ZNF813: variants seen among roughly 807,000 people sequenced by gnomAD.
ZNF813 encodes the protein zinc finger protein 813.
ZNF813 carries 3 observed loss-of-function variants against 7.2 expected under a neutral mutation model. That is an observed-to-expected ratio of 0.42 (90% CI 0.19 to 1.08). The LOEUF (loss-of-function observed/expected upper bound fraction) is 1.08. Among genes scored for constraint, ZNF813 ranks in the 50% least tolerant of loss-of-function variants. The pLI, the probability that ZNF813 is intolerant of heterozygous loss-of-function variation, is 0.30. For synonymous variants in ZNF813, 227 were observed against 256.3 expected (o/e 0.89, Z 1.09); for missense variants, 714 against 753.3 (o/e 0.95, Z 0.61).
At position 53,475,523 on chromosome 19, in the gene ZNF813, A is replaced by G. The variant is rs2086378041; in HGVS notation, c.-74+7734A>G. Among the ~76,000 whole-genome samples, 4 of 152,294 alleles carry G rather than the reference A, an allele frequency of 2.6e-5. No homozygotes were observed. The South Asian group carries it at 6.2e-4, about 24-fold the overall frequency. On this transcript the variant is annotated intron_variant, in intron 1 of 3. Coordinates refer to ENST00000396403, the MANE Select transcript of ZNF813 (RefSeq NM_001004301.4). ...GGGTTAGGGTGTTTACTGTTCTAAA[A>G]TTGTGTAAGGGTTTTCACATAGAAG...
Position 53,492,474 on chromosome 19 carries a change from G to A in ZNF813, c.*388G>A, listed in dbSNP as rs546558003. ...AGAAACCATAAAATTGTAAGAGTTCGTGACAAGGCTTTCGGGCATGACTCA... is the reference window on the plus strand; with the variant it reads ...AGAAACCATAAAATTGTAAGAGTTCATGACAAGGCTTTCGGGCATGACTCA... On this transcript the variant is annotated 3_prime_UTR_variant, in exon 4 of 4. Transcript: ENST00000396403. 29 of 431,346 alleles carry A rather than the reference G, an allele frequency of 6.7e-5. No individual in the cohort carries two copies. The highest frequency in any genetic ancestry group is 1.2e-4 in the African/African-American group (6 of 48,678). The allele number at this position is 431,346 out of a possible 1,614,324, so 26.7% of individuals were successfully genotyped here.
intron 1 of ZNF813, among the ~76,000 whole-genome samples, chr19:53,478,209 A>G (rs1015633313): frequency 1.3e-5 from 2 of 152,154 alleles, no homozygotes; most frequent in African/African-American, 4.8e-5. Flanking sequence ...GCCTGGCTCT[A>G]TCACCCAGGA....
rs779646571 is a variant in ZNF813 at position 53,490,702 on chromosome 19, A to G, written c.470A>G (p.Gln157Arg). The G allele has an allele frequency of 5.6e-6, 9 of 1,614,168 alleles. No homozygotes were observed. The highest frequency in any genetic ancestry group is 6.8e-6 in the Non-Finnish European group (8 of 1,180,020). ...HLPELHMFQTQGKIGNQVEKS... is the reference protein window; with the variant it reads ...HLPELHMFQTRGKIGNQVEKS... ...CCTGAACTCCACATGTTTCAGACCC[A>G]AGGGAAAATTGGTAATCAAGTGGAG... The change falls in exon 4 of 4, where the codon CAA becomes CGA. Residue 157 changes from glutamine to arginine, a missense_variant. Physicochemically the swap from Gln to Arg is conservative, Grantham distance 43. Coordinates refer to ENST00000396403, the MANE Select transcript of ZNF813 (RefSeq NM_001004301.4).
chr19:53,470,245 C>T (rs1407322250), intron 1 of ZNF813, among the ~76,000 whole-genome samples: 16 of 152,100 alleles, frequency 1.1e-4, no homozygotes, highest in Non-Finnish European at 1.5e-4. Context: ...GCTTCGACTT[C>T]GCAAACAGCG....
chr19:53,473,328 C>T (rs1413954704), intron 1 of ZNF813, among the ~76,000 whole-genome samples: 3 of 152,042 alleles, frequency 2.0e-5, no homozygotes, highest in African/African-American at 7.2e-5. Flanking sequence ...ATAGGCTAGT[C>T]AGCTTCCGGT....
intron 1 of ZNF813, among the ~76,000 whole-genome samples, chr19:53,478,273 G>A (rs927094733): frequency 3.9e-5 from 6 of 152,092 alleles, no homozygotes; most frequent in Non-Finnish European, 5.9e-5. Flanking sequence ...GGGCTTAAGC[G>A]ATCCTCCTAC....
chr19:53,490,527 T>C lies in ZNF813; in HGVS notation c.295T>C (p.Phe99Leu), dbSNP rs2086454462. The C allele has an allele frequency of 3.7e-6, 6 of 1,613,894 alleles. No individual in the cohort carries two copies. The highest frequency in any genetic ancestry group is 5.1e-6 in the Non-Finnish European group (6 of 1,179,988). Residue 99 changes from phenylalanine to leucine, a missense_variant, in exon 4 of 4, where the codon TTT becomes CTT. Phe to Leu is a conservative substitution (Grantham distance 22, BLOSUM62 0). Transcript: ENST00000396403. ...EIDKDIHNLE[F>L]QWQEDERNSH... Reference sequence around the variant, plus strand: ...TGATAAAGATATTCATAACTTAGAGTTTCAGTGGCAAGAAGATGAAAGAAA... The same window carrying C: ...TGATAAAGATATTCATAACTTAGAGCTTCAGTGGCAAGAAGATGAAAGAAA...
chr19:53,480,899 CAAGTT>C lies in ZNF813; in HGVS notation c.-73-2847_-73-2843del, dbSNP rs555305358. Among the ~76,000 whole-genome samples the C allele has an allele frequency of 3.2e-3, 480 of 152,210 alleles. 3 individuals carry two copies. Among genetic ancestry groups the C allele is most frequent in the African/African-American group, 0.011 (437 of 41,512 alleles). Reference sequence around the variant, plus strand: ...GCGGAGTCAAAGGAATGAGAAAAGACAAGTTAAGAATGCATAAGGTGGGTCCAGGG... The same window carrying C: ...GCGGAGTCAAAGGAATGAGAAAAGACAAGAATGCATAAGGTGGGTCCAGGG... On this transcript the variant is annotated intron_variant, in intron 1 of 3. Transcript: ENST00000396403.
At chr19:53,474,964 A>T (rs182443672) in intron 1 of ZNF813, among the ~76,000 whole-genome samples, 108 of 152,212 alleles carry the variant, frequency 7.1e-4, no homozygotes, top group Admixed American at 1.3e-3. Context: ...CAGCGTGATC[A>T]TTGCTGCCTG....
chr19:53,484,248 A>G (rs150074352), intron 2 of ZNF813, among the ~76,000 whole-genome samples: 4 of 152,296 alleles, frequency 2.6e-5, no homozygotes, highest in Non-Finnish European at 4.4e-5. Flanking sequence ...AGAAAAGGCA[A>G]CCAATATGGG....
chr19:53,489,250 G>T (rs147456102), intron 3 of ZNF813, among the ~76,000 whole-genome samples: 1 of 152,024 alleles, frequency 6.6e-6, no homozygotes, highest in Non-Finnish European at 1.5e-5. Flanking sequence ...CAGGTGATCC[G>T]CCTGCCTTGG....
chr19:53,491,543 A>G lies in ZNF813; in HGVS notation c.1311A>G (p.Lys437=), dbSNP rs1378786112. Residue 437 remains lysine, a synonymous_variant, in exon 4 of 4, where the codon AAA becomes AAG. Transcript: ENST00000396403. ...ATCATAGACTTCATAGTGGAGAGAAACCCTACAAGTGTACTGAGTGTGTCA... is the reference window on the plus strand; with the variant it reads ...ATCATAGACTTCATAGTGGAGAGAAGCCCTACAAGTGTACTGAGTGTGTCA... The part of the protein sequence containing the change: ...ARHHRLHSGE[K]PYKCTECVKT... The G allele has an allele frequency of 1.2e-6, 2 of 1,613,362 alleles. No homozygotes were observed. Among genetic ancestry groups the G allele is most frequent in the Non-Finnish European group, 1.7e-6 (2 of 1,179,720 alleles).
chr19:53,470,169 TTTTCTTTC>T (rs894898394), intron 1 of ZNF813, among the ~76,000 whole-genome samples: 4 of 46,746 alleles, frequency 8.6e-5, no homozygotes, highest in African/African-American at 3.6e-4. Context: ...TTTTCTTTTC[TTTTCTTTC>T]TTTCTTTCTT....
intron 1 of ZNF813, chr19:53,480,285 C>G (rs1395721634): frequency 2.7e-6 from 2 of 729,414 alleles, no homozygotes; most frequent in East Asian, 5.4e-5. Flanking sequence ...TCCAGCTGGG[C>G]TAGAGGCTGA....
intron 1 of ZNF813, among the ~76,000 whole-genome samples, chr19:53,472,607 CTTTCTTTT>C (rs2086364709): frequency 7.3e-6 from 1 of 136,462 alleles, no homozygotes; most frequent in Non-Finnish European, 1.5e-5. Flanking sequence ...AAGTACAAGT[CTTTCTTTT>C]TTTTTTTTTT....
At position 53,495,675 on chromosome 19, in the gene ZNF813, G is replaced by T. The variant is rs544414279; in HGVS notation, c.*3589G>T. ...AAAATACAAAAATTAGCTGGGTGTG[G>T]TGGCGGGTGCTTGTAATCCCAGTTA... On this transcript the variant is annotated 3_prime_UTR_variant, in exon 4 of 4. Transcript: ENST00000396403. 1 of 152,112 alleles carries T rather than the reference G, an allele frequency of 6.6e-6. No individual in the cohort carries two copies. The allele number at this position is 152,112 out of a possible 1,614,324, so 9.4% of individuals were successfully genotyped here. A position where few individuals can be genotyped will look rare whatever the true frequency, so the allele number is the denominator to read the frequency against.
At chr19:53,474,836 TA>T (rs2086375062) in intron 1 of ZNF813, among the ~76,000 whole-genome samples, 1 of 152,210 alleles carries the variant, frequency 6.6e-6, no homozygotes, top group Non-Finnish European at 1.5e-5. Context: ...TACCTTCTTT[TA>T]ATATATTTTT....
chr19:53,488,665 T>TG (rs2086445433), intron 3 of ZNF813, among the ~76,000 whole-genome samples: 1 of 149,722 alleles, frequency 6.7e-6, no homozygotes, highest in South Asian at 2.1e-4. Flanking sequence ...GTGATCCTCC[T>TG]GCCTCAGCCT....
intron 3 of ZNF813, among the ~76,000 whole-genome samples, chr19:53,488,888 T>G (rs1273321587): frequency 6.6e-6 from 1 of 152,252 alleles, no homozygotes; most frequent in African/African-American, 2.4e-5. Context: ...GTTGTATAAA[T>G]GTACTTGTTA....
Sources: gnomAD v4.1 joint callset for allele counts (sites outside exome capture counted in the v4.1 genomes callset) on GRCh38, gnomAD v4.1.1 for gene constraint, MANE v1.5 for transcripts, NCBI Gene and HGNC (gene_info 2026-07-23, HGNC 2026-07-21) for gene names.